The following PIR variants were observed in gnomAD, a reference collection of about 807,000 sequenced individuals.
PIR encodes the protein pirin (iron-binding nuclear protein).
In PIR, 22 loss-of-function variants were observed where a neutral mutation model predicts 24.2. The observed-to-expected ratio is 0.91, with a 90% CI of 0.65 to 1.30. The LOEUF (loss-of-function observed/expected upper bound fraction) is 1.30. Among genes scored for constraint, PIR ranks in the 50% most tolerant of loss-of-function variants. The pLI, the probability that PIR is intolerant of heterozygous loss-of-function variation, is 0.00. For missense variants in PIR, 220 were observed against 220.3 expected, an observed-to-expected ratio of 1.00 and a Z score of 0.01; for synonymous variants, 80 against 79.6, an observed-to-expected ratio of 1.00 and a Z score of -0.03.
chrX:15,408,246 C>T (rs749395636), intron 6 of PIR, among the ~76,000 whole-genome samples: 209 of 111,824 alleles, frequency 1.9e-3, no homozygotes, highest in Non-Finnish European at 3.3e-3. Flanking sequence ...TGTGAGCCAC[C>T]GTACCCGGCC....
intron 5 of PIR, among the ~76,000 whole-genome samples, chrX:15,451,674 T>C (rs1361925773): frequency 8.9e-6 from 1 of 112,188 alleles, no homozygotes; most frequent in Non-Finnish European, 1.9e-5. Context: ...CTCTCAGGCA[T>C]TGTTTCCGGT....
chrX:15,395,089 A>T (rs1012346534), intron 8 of PIR, among the ~76,000 whole-genome samples: 1 of 112,011 alleles, frequency 8.9e-6, no homozygotes, highest in Admixed American at 9.5e-5. Context: ...GGCACTGGGC[A>T]GTCACATCTT....
chrX:15,454,485 A>C (rs181663453), intron 5 of PIR, among the ~76,000 whole-genome samples: 2,466 of 109,672 alleles, frequency 0.022, 25 homozygotes, highest in Non-Finnish European at 0.037. Context: ...AAAAAAAAAA[A>C]AACAAAAAAA....
At chrX:15,406,594 T>C (rs971148591) in intron 7 of PIR, among the ~76,000 whole-genome samples, 1 of 111,805 alleles carries the variant, frequency 8.9e-6, no homozygotes, top group Non-Finnish European at 1.9e-5. Flanking sequence ...TATTATTAGT[T>C]GGTCAGTGGG....
At chrX:15,473,863 T>G (rs971851155) in intron 3 of PIR, among the ~76,000 whole-genome samples, 1 of 112,836 alleles carries the variant, frequency 8.9e-6, no homozygotes, top group Non-Finnish European at 1.9e-5. Flanking sequence ...CCTCTGTTTT[T>G]TATTTTTTAA....
rs764396857 is a variant in PIR at position 15,396,181 on chromosome X, T to A, written c.693+1268A>T. On this transcript the variant is annotated intron_variant, in intron 8 of 9. Coordinates refer to ENST00000380420, the MANE Select transcript of PIR (RefSeq NM_001018109.3). ...GGATTGAAAGATATAAAATAGACAT[T>A]TTTGTCGGTCAAAAGTCGCAGTTTC... Among the ~76,000 whole-genome samples, 3 of 112,278 alleles carry A rather than the reference T, an allele frequency of 2.7e-5. No individual in the cohort carries two copies. In the East Asian group the frequency reaches 8.3e-4, roughly 31 times the overall value.
intron 3 of PIR, among the ~76,000 whole-genome samples, chrX:15,473,425 G>A (rs952387007): frequency 7.2e-5 from 8 of 111,695 alleles, no homozygotes; most frequent in Non-Finnish European, 1.3e-4. Context: ...ATTTAAATTG[G>A]CTACAATATT....
intron 9 of PIR, among the ~76,000 whole-genome samples, chrX:15,385,543 T>A: frequency 8.9e-6 from 1 of 112,443 alleles, no homozygotes; most frequent in East Asian, 2.8e-4. Context: ...CATATAAGGC[T>A]GTATACTTAT....
chrX:15,453,874 T>C (rs183883216), intron 5 of PIR, among the ~76,000 whole-genome samples: 3 of 111,946 alleles, frequency 2.7e-5, no homozygotes, highest in African/African-American at 9.7e-5. Context: ...AAATCACTGG[T>C]CTGATTTCTC....
intron 7 of PIR, 26 bp downstream of exon 7, chrX:15,407,480 C>A: frequency 8.9e-7 from 1 of 1,128,934 alleles, no homozygotes; most frequent in Non-Finnish European, 1.2e-6. Context: ...TGCAATTGAG[C>A]CCTAAGTGAC....
At chrX:15,439,554 C>T (rs985632742) in intron 5 of PIR, among the ~76,000 whole-genome samples, 4 of 111,812 alleles carry the variant, frequency 3.6e-5, no homozygotes, top group Admixed American at 2.9e-4. Flanking sequence ...CATTTCCCAT[C>T]CCAAGAATTT....
intron 8 of PIR, among the ~76,000 whole-genome samples, chrX:15,396,058 G>C (rs1187269858): frequency 8.9e-6 from 1 of 112,064 alleles, no homozygotes; most frequent in Non-Finnish European, 1.9e-5. Flanking sequence ...ATTATAGGAA[G>C]AACTGAGGTT....
chrX:15,446,892 GC>G (rs1193162640), intron 5 of PIR, among the ~76,000 whole-genome samples: 1 of 111,613 alleles, frequency 9.0e-6, no homozygotes, highest in Non-Finnish European at 1.9e-5. Context: ...ATACTGAACA[GC>G]CCCCGGATCT....
Position 15,390,225 on chromosome X carries a change from T to G in PIR, c.720A>C (p.Leu240Phe). 1 of 1,151,019 alleles carries G rather than the reference T, an allele frequency of 8.7e-7. No individual in the cohort carries two copies. Among genetic ancestry groups the G allele is most frequent in the East Asian group, 3.1e-5 (1 of 32,679 alleles). The allele number at this position is 1,151,019 out of a possible 1,213,427, so 94.9% of individuals were successfully genotyped here. A position where few individuals can be genotyped will look rare whatever the true frequency, so the allele number is the denominator to read the frequency against. Residue 240 changes from leucine to phenylalanine, a missense_variant, in exon 9 of 10, where the codon TTA becomes TTC. By Grantham distance (22) the Leu-to-Phe change is conservative. Coordinates refer to ENST00000380420, the MANE Select transcript of PIR (RefSeq NM_001018109.3). ...NKDPKRSHFV[L>F]IAGEPLREPV... is the part of the protein sequence containing the mutation. ...GTTCTCTTAATGGCTCCCCAGCAAT[T>G]AAGACAAAGTGGCTTCTCTTGGGAT...
rs200215894 is a variant in PIR at position 15,403,287 on chromosome X, A to AT, written c.610+4218dup. On this transcript the variant is annotated intron_variant, in intron 7 of 9. Coordinates refer to ENST00000380420, the MANE Select transcript of PIR (RefSeq NM_001018109.3). ...CGTGAATCATTAGTTATTTAAATGA[A>AT]TTCAAAACATTTTACTGCCTTTGTA... Among the ~76,000 whole-genome samples the AT allele has an allele frequency of 5.3e-3, 600 of 112,502 alleles. 5 individuals carry two copies. Among genetic ancestry groups the AT allele is most frequent in the African/African-American group, 0.018 (557 of 30,951 alleles).
At chrX:15,475,784 A>G (rs1199781171) in intron 3 of PIR, among the ~76,000 whole-genome samples, 1 of 111,834 alleles carries the variant, frequency 8.9e-6, no homozygotes, top group Non-Finnish European at 1.9e-5. Flanking sequence ...ACCTTTTACC[A>G]CTCAGGCCTT....
chrX:15,471,886 G>A (rs1301951451), intron 3 of PIR, among the ~76,000 whole-genome samples: 1 of 112,373 alleles, frequency 8.9e-6, no homozygotes, highest in Non-Finnish European at 1.9e-5. Flanking sequence ...TAGGCAATGT[G>A]TTGTGGAGGA....
At chrX:15,489,223 G>A (rs1201119231) in intron 2 of PIR, among the ~76,000 whole-genome samples, 4 of 112,170 alleles carry the variant, frequency 3.6e-5, no homozygotes, top group Non-Finnish European at 5.6e-5. Flanking sequence ...CCACCAAATC[G>A]TGTTATTTAA....
chrX:15,482,307 G>A (rs1922550632), intron 2 of PIR, among the ~76,000 whole-genome samples: 1 of 111,342 alleles, frequency 9.0e-6, no homozygotes, highest in African/African-American at 3.3e-5. Flanking sequence ...AAATGGTGGT[G>A]GTAGACATCC....
Sources: gnomAD v4.1 joint callset for allele counts (sites outside exome capture counted in the v4.1 genomes callset) on GRCh38, gnomAD v4.1.1 for gene constraint, MANE v1.5 for transcripts, NCBI Gene and HGNC (gene_info 2026-07-23, HGNC 2026-07-21) for gene names.